ST6GALNAC3: variants seen among roughly 807,000 people sequenced by gnomAD.
ST6GALNAC3 encodes alpha-N-acetylgalactosaminide alpha-2,6-sialyltransferase 3.
A neutral mutation model predicts 32.7 loss-of-function variants in ST6GALNAC3; 25 were observed. The observed-to-expected ratio is 0.76, with a 90% CI of 0.56 to 1.07. The LOEUF is 1.07. Among genes scored for constraint, ST6GALNAC3 ranks in the 50% least tolerant of loss-of-function variants. ST6GALNAC3 has a pLI of 0.00. For synonymous variants in ST6GALNAC3, 129 were observed against 133.1 expected (o/e 0.97, Z 0.21); for missense variants, 355 against 382.4 (o/e 0.93, Z 0.60).
chr1:76,175,788 TG>T (rs1405396318), intron 1 of ST6GALNAC3, among the ~76,000 whole-genome samples: 1 of 145,330 alleles, frequency 6.9e-6, no homozygotes, highest in Non-Finnish European at 1.5e-5. Flanking sequence ...GCAGACCATT[TG>T]TCCTATACTA....
intron 3 of ST6GALNAC3, among the ~76,000 whole-genome samples, chr1:76,555,418 A>G (rs1223575350): frequency 6.6e-6 from 1 of 152,168 alleles, no homozygotes; most frequent in African/African-American, 2.4e-5. Flanking sequence ...CCTTCTCTTA[A>G]AGGATTCTTC....
intron 2 of ST6GALNAC3, among the ~76,000 whole-genome samples, chr1:76,374,117 T>C (rs1287469059): frequency 6.6e-6 from 1 of 152,226 alleles, no homozygotes; most frequent in Non-Finnish European, 1.5e-5. Context: ...AGAGAACTCT[T>C]TTGTCAAAGT....
intron 2 of ST6GALNAC3, among the ~76,000 whole-genome samples, chr1:76,388,809 C>G (rs142803260): frequency 3.3e-5 from 5 of 152,152 alleles, no homozygotes; most frequent in African/African-American, 1.2e-4. Flanking sequence ...TCTGCAGGTC[C>G]AAGTATCTTA....
rs544893174 is a variant in ST6GALNAC3, at chr1:76,367,838, G to A, written c.214-44170G>A. Among the ~76,000 whole-genome samples the A allele has an allele frequency of 3.3e-5, 5 of 152,146 alleles. No individual in the cohort carries two copies. In the East Asian group the frequency reaches 9.7e-4, roughly 29 times the overall value. ...GTGAGTTGGTGCCCCCCAGTACCTT[G>A]GATAAAAAAATGTATCCTATAAAGG... On this transcript the variant is annotated intron_variant, in intron 2 of 4. Transcript: ENST00000328299.
At chr1:76,579,391 G>C (rs1646859353) in intron 3 of ST6GALNAC3, among the ~76,000 whole-genome samples, 1 of 151,522 alleles carries the variant, frequency 6.6e-6, no homozygotes, top group African/African-American at 2.4e-5. Flanking sequence ...ATTTTATTAT[G>C]TACTTTCCTA....
chr1:76,206,455 G>A (rs1398623226), intron 1 of ST6GALNAC3, among the ~76,000 whole-genome samples: 1 of 152,184 alleles, frequency 6.6e-6, no homozygotes, highest in East Asian at 1.9e-4. Context: ...TCAGAGATGT[G>A]AGGAATTGCA....
intron 1 of ST6GALNAC3, among the ~76,000 whole-genome samples, chr1:76,173,092 A>G (rs1652626943): frequency 6.6e-6 from 1 of 152,212 alleles, no homozygotes; most frequent in Non-Finnish European, 1.5e-5. Flanking sequence ...ATTATACTAC[A>G]AGGCTACAGT....
At chr1:76,192,857 C>T (rs2100510731) in intron 1 of ST6GALNAC3, among the ~76,000 whole-genome samples, 1 of 152,230 alleles carries the variant, frequency 6.6e-6, no homozygotes, top group Non-Finnish European at 1.5e-5. Flanking sequence ...GAATTAAATT[C>T]TTTCCGATTG....
chr1:76,285,428 T>C (rs1659724317), intron 1 of ST6GALNAC3, among the ~76,000 whole-genome samples: 1 of 101,892 alleles, frequency 9.8e-6, no homozygotes, highest in Non-Finnish European at 2.1e-5. Context: ...GTGTGTAATG[T>C]GACTTACCCA....
At chr1:76,311,582 C>T (rs6658210) in intron 1 of ST6GALNAC3, among the ~76,000 whole-genome samples, 42,648 of 151,936 alleles carry the variant, frequency 0.28, 6,318 homozygotes, top group African/African-American at 0.37. Context: ...TTTCCAGCTT[C>T]ATCCATGTCC....
chr1:76,186,505 G>T (rs953315876), intron 1 of ST6GALNAC3, among the ~76,000 whole-genome samples: 1 of 152,130 alleles, frequency 6.6e-6, no homozygotes, highest in Non-Finnish European at 1.5e-5. Context: ...TCTGGATGAG[G>T]TCCACTGAGG....
chr1:76,636,922 T>C (rs184471393), downstream of ST6GALNAC3: 18 of 152,310 alleles, frequency 1.2e-4, no homozygotes, highest in Admixed American at 7.2e-4. Context: ...ACAAGAAACT[T>C]TAGTGTCTAG....
At chr1:76,202,177 G>C (rs1570416504) in intron 1 of ST6GALNAC3, among the ~76,000 whole-genome samples, 1 of 151,622 alleles carries the variant, frequency 6.6e-6, no homozygotes, top group Non-Finnish European at 1.5e-5. Flanking sequence ...TAACTCAAAG[G>C]CAGTGATATT....
At chr1:76,590,445 T>A (rs1005173747) in intron 3 of ST6GALNAC3, among the ~76,000 whole-genome samples, 5 of 152,194 alleles carry the variant, frequency 3.3e-5, no homozygotes, top group Non-Finnish European at 4.4e-5. Context: ...AAGAACCATA[T>A]ATTAGAAAAG....
rs973588551 is a variant in ST6GALNAC3, at chr1:76,469,511, A to G, written c.623+57094A>G. Among the ~76,000 whole-genome samples, 6 of 152,218 alleles carry G rather than the reference A, an allele frequency of 3.9e-5. No homozygotes were observed. In the East Asian group the frequency reaches 1.2e-3, roughly 29 times the overall value. On this transcript the variant is annotated intron_variant, in intron 3 of 4. Transcript: ENST00000328299. ...TATTAAGGTAAGCTGAAACCAGAAT[A>G]TGTTTCAAATCATTTCTCTTCTTAT...
intron 3 of ST6GALNAC3, among the ~76,000 whole-genome samples, chr1:76,591,890 A>C (rs528014349): frequency 2.0e-5 from 3 of 152,194 alleles, no homozygotes; most frequent in African/African-American, 7.2e-5. Flanking sequence ...CTGGCATGTC[A>C]TACCTCAATA....
chr1:76,402,929 G>A (rs73006128), intron 2 of ST6GALNAC3, among the ~76,000 whole-genome samples: 12,284 of 151,892 alleles, frequency 0.081, 1,600 homozygotes, highest in African/African-American at 0.28. Context: ...TATCTTCCAT[G>A]TATTCTCACT....
At chr1:76,565,799 T>G (rs1665519958) in intron 3 of ST6GALNAC3, among the ~76,000 whole-genome samples, 1 of 152,184 alleles carries the variant, frequency 6.6e-6, no homozygotes, top group Non-Finnish European at 1.5e-5. Context: ...CCTGCACTGC[T>G]AATCCTCCCT....
intron 1 of ST6GALNAC3, among the ~76,000 whole-genome samples, chr1:76,192,692 C>T (rs981655041): frequency 6.6e-5 from 10 of 152,142 alleles, no homozygotes; most frequent in African/African-American, 9.7e-5. Flanking sequence ...ATGTTCTTCT[C>T]GGCACTGTGA....
Sources: gnomAD v4.1 joint callset for allele counts (sites outside exome capture counted in the v4.1 genomes callset) on GRCh38, gnomAD v4.1.1 for gene constraint, MANE v1.5 for transcripts, NCBI Gene and HGNC (gene_info 2026-07-23, HGNC 2026-07-21) for gene names.